Variants in FMN2 observed in about 807,000 individuals in gnomAD.
FMN2 encodes the protein formin 2.
A neutral mutation model predicts 142.3 loss-of-function variants in FMN2; 51 were observed. That is an observed-to-expected ratio of 0.36 (90% confidence interval 0.29 to 0.45). The LOEUF is 0.45. Among genes scored for constraint, FMN2 ranks in the 20% least tolerant of loss-of-function variants. The probability of loss-of-function intolerance (pLI) is 1.00; values close to 1 mark genes in which losing one functional copy is unlikely to be tolerated. For synonymous variants in FMN2, 882 were observed against 869.8 expected (o/e 1.01, Z -0.25); for missense variants, 1,936 against 2,122.8 (o/e 0.91, Z 1.73).
At chr1:240,388,234 A>AG (rs1673474996) in intron 14 of FMN2, among the ~76,000 whole-genome samples, 1 of 143,452 alleles carries the variant, frequency 7.0e-6, no homozygotes, top group Non-Finnish European at 1.6e-5. Flanking sequence ...AAGCAAAAAA[A>AG]AAAAAAAAAA....
chr1:240,190,133 T>G (rs191256419), intron 4 of FMN2, among the ~76,000 whole-genome samples: 2 of 152,322 alleles, frequency 1.3e-5, no homozygotes, highest in East Asian at 1.9e-4. Flanking sequence ...TGGACCATGG[T>G]AAAATATATT....
At chr1:240,143,372 G>A (rs879224857) in intron 2 of FMN2, 2 of 1,449,168 alleles carry the variant, frequency 1.4e-6, no homozygotes, top group African/African-American at 2.8e-5. Flanking sequence ...AAGGTTCATA[G>A]TGCCGTCTCT....
intron 6 of FMN2, among the ~76,000 whole-genome samples, chr1:240,216,868 G>A (rs943934895): frequency 6.6e-6 from 1 of 151,976 alleles, no homozygotes; most frequent in African/African-American, 2.4e-5. Context: ...AGAATTGCTT[G>A]AACCCGGGAG....
At chr1:240,280,999 T>C (rs1339027564) in intron 7 of FMN2, among the ~76,000 whole-genome samples, 2 of 152,156 alleles carry the variant, frequency 1.3e-5, no homozygotes, top group East Asian at 3.8e-4. Context: ...TGGTATCCAT[T>C]TTTTTCCCTC....
chr1:240,142,501 T>TTATTTATATA (rs1164646678), intron 2 of FMN2, among the ~76,000 whole-genome samples: 11,145 of 78,428 alleles, frequency 0.14, 514 homozygotes, highest in Non-Finnish European at 0.19. Flanking sequence ...TTATTTATAT[T>TTATTTATATA]TTTTGGGGGG....
rs1018913550 is a variant in FMN2, at chr1:240,371,097, C to T, written c.4858+15189C>T. On this transcript the variant is annotated intron_variant, in intron 14 of 17. Transcript: ENST00000319653. The stretch of plus-strand genomic sequence containing the variant: ...GGGATTACAGGCACATGCCACCATG[C>T]CCAGCTGATTTTTTTTTATTTTTTG... Among the ~76,000 whole-genome samples the T allele has an allele frequency of 4.0e-5, 6 of 151,888 alleles. No individual in the cohort carries two copies. The East Asian group carries it at 9.7e-4, about 24-fold the overall frequency.
intron 7 of FMN2, among the ~76,000 whole-genome samples, chr1:240,277,302 A>G (rs1345946403): frequency 3.3e-5 from 5 of 151,974 alleles, no homozygotes; most frequent in Non-Finnish European, 5.9e-5. Flanking sequence ...AGAAAAATAT[A>G]TTTCTTCTAA....
rs73115100 is a variant in FMN2 at position 240,258,384 on chromosome 1, C to T, written c.4153+352C>T. Among the ~76,000 whole-genome samples, 164 of 152,246 alleles carry T rather than the reference C, an allele frequency of 1.1e-3. 1 individual carries two copies. Among genetic ancestry groups the T allele is most frequent in the African/African-American group, 3.4e-3 (142 of 41,556 alleles). On this transcript the variant is annotated intron_variant, in intron 7 of 17. Transcript: ENST00000319653. ...TTCGAGATCAGGGTGCCAGCATATT[C>T]GGTTCTGGTGAGGGCCGTCTTTCAG...
At chr1:240,328,167 A>AAAAAAAAAAAAAAAG (rs1558435720) in intron 8 of FMN2, among the ~76,000 whole-genome samples, 11 of 141,160 alleles carry the variant, frequency 7.8e-5, no homozygotes, top group Non-Finnish European at 1.1e-4. Flanking sequence ...AAAAAAAAAA[A>AAAAAAAAAAAAAAAG]AAAAAGAAAA....
chr1:240,414,140 C>G (rs146686329), intron 15 of FMN2, among the ~76,000 whole-genome samples: 1 of 152,278 alleles, frequency 6.6e-6, no homozygotes, highest in African/African-American at 2.4e-5. Flanking sequence ...GTGAGTGCCT[C>G]CTACGTGAGA....
chr1:240,352,597 A>T (rs79955254), intron 13 of FMN2, among the ~76,000 whole-genome samples: 2,487 of 152,206 alleles, frequency 0.016, 86 homozygotes, highest in African/African-American at 0.057. Context: ...AATTTAAAAA[A>T]AACAAACTGC....
At chr1:240,225,724 AG>A (rs1341393518) in intron 6 of FMN2, among the ~76,000 whole-genome samples, 1 of 152,236 alleles carries the variant, frequency 6.6e-6, no homozygotes, top group Non-Finnish European at 1.5e-5. Flanking sequence ...ATTATTCAAA[AG>A]GACCCAGATG....
chr1:240,140,549 G>T (rs1339230704), intron 2 of FMN2, among the ~76,000 whole-genome samples: 1 of 152,066 alleles, frequency 6.6e-6, no homozygotes, highest in African/African-American at 2.4e-5. Flanking sequence ...TAAAATGACT[G>T]CTGGGGCCTG....
intron 6 of FMN2, among the ~76,000 whole-genome samples, chr1:240,211,838 A>G (rs1402242935): frequency 1.3e-5 from 2 of 152,130 alleles, no homozygotes; most frequent in East Asian, 1.9e-4. Flanking sequence ...TTTCCAAGCA[A>G]TTTTTTTCTA....
In FMN2 at chr1:240,473,569, A is replaced by T. The variant is rs115106505; in HGVS notation, c.5143-559A>T. Among the ~76,000 whole-genome samples the T allele has an allele frequency of 7.7e-3, 1,166 of 151,984 alleles. 9 individuals carry two copies. The highest frequency in any genetic ancestry group is 0.011 in the Non-Finnish European group (730 of 67,908). On this transcript the variant is annotated intron_variant, in intron 17 of 17. Transcript: ENST00000319653. This position sits in a 1 kb window ranked among gnomAD's most constrained non-coding sequence, Gnocchi z 4.3. Reference sequence around the variant, plus strand: ...TGATTAAATAGCCCTGTTTTTTTTTAAAAAGTTAGGAATTATATCTTCATT... The same window carrying T: ...TGATTAAATAGCCCTGTTTTTTTTTTAAAAGTTAGGAATTATATCTTCATT...
At chr1:240,437,913 G>A in intron 15 of FMN2, 148 bp from the exon 16 acceptor site, 1 of 934,896 alleles carries the variant, frequency 1.1e-6, no homozygotes, top group Middle Eastern at 2.3e-4. Context: ...TAAACCATAA[G>A]AGAGCTACTG....
chr1:240,339,341 T>A lies in FMN2; in HGVS notation c.4765+5112T>A, dbSNP rs533221927. Among the ~76,000 whole-genome samples the A allele has an allele frequency of 4.1e-3, 448 of 109,108 alleles. 3 individuals carry two copies. Among genetic ancestry groups the A allele is most frequent in the African/African-American group, 0.024 (434 of 17,798 alleles). 71.6% of individuals were successfully genotyped at this position (109,108 alleles called of 152,430 possible). A position where few individuals can be genotyped will look rare whatever the true frequency, so the allele number is the denominator to read the frequency against. On this transcript the variant is annotated intron_variant, in intron 13 of 17. Coordinates refer to ENST00000319653, the MANE Select transcript of FMN2 (RefSeq NM_020066.5). Reference sequence around the variant, plus strand: ...TGTTATAATTGTTCTATTTTATTATTTTTTTTTAATCTCTTACTGTGCCTA... The same window carrying A: ...TGTTATAATTGTTCTATTTTATTATATTTTTTTAATCTCTTACTGTGCCTA...
At chr1:240,095,740 T>TA (rs988277553) in intron 1 of FMN2, among the ~76,000 whole-genome samples, 3 of 151,996 alleles carry the variant, frequency 2.0e-5, no homozygotes, top group East Asian at 1.9e-4. Flanking sequence ...TGTTTTCCTT[T>TA]AAAAAAACAA....
intron 2 of FMN2, among the ~76,000 whole-genome samples, chr1:240,157,925 C>A (rs1266716606): frequency 6.7e-6 from 1 of 148,322 alleles, no homozygotes; most frequent in Admixed American, 6.8e-5. Flanking sequence ...TCACTTGAGC[C>A]TAGGAGTTTG....
Sources: gnomAD v4.1 joint callset for allele counts (sites outside exome capture counted in the v4.1 genomes callset) on GRCh38, gnomAD v4.1.1 for gene constraint, Gnocchi (gnomAD v3.1) non-coding constraint, MANE v1.5 for transcripts, NCBI Gene and HGNC (gene_info 2026-07-23, HGNC 2026-07-21) for gene names.